MIAT: variants seen among roughly 807,000 people sequenced by gnomAD.
MIAT encodes myocardial infarction associated transcript.
chr22:26,658,671 A>T (rs566378391), intron 2 of MIAT, among the ~76,000 whole-genome samples: 16 of 152,110 alleles, frequency 1.1e-4, no homozygotes, highest in African/African-American at 3.9e-4. Context: ...TGGATTCCCC[A>T]CCCTCATCCC....
chr22:26,662,625 C>T (rs569542955), intron 2 of MIAT, among the ~76,000 whole-genome samples: 6 of 152,310 alleles, frequency 3.9e-5, no homozygotes, highest in East Asian at 1.9e-4. Context: ...ATGTCTCCTG[C>T]GAGGCGCGTG....
intron 2 of MIAT, among the ~76,000 whole-genome samples, chr22:26,653,652 T>C (rs1744233301): frequency 1.3e-5 from 2 of 152,192 alleles, no homozygotes; most frequent in Admixed American, 6.5e-5. Context: ...TATAAAAGCA[T>C]TGTGACCTGA....
At chr22:26,668,352 T>C (rs1930925818) in exon 6 of MIAT, 1 of 398,734 alleles carries the variant, frequency 2.5e-6, no homozygotes, top group Non-Finnish European at 4.4e-6. Context: ...GAACTCTTCC[T>C]GGTTGATGCT....
At chr22:26,672,798 C>G (rs1047072612), downstream of MIAT, 9 of 398,530 alleles carry the variant, frequency 2.3e-5, no homozygotes, top group Non-Finnish European at 3.5e-5. Context: ...GTCTTTCCTA[C>G]GCTAAAAACC....
At chr22:26,657,740 G>A (rs1930514668) in intron 2 of MIAT, 3 of 398,394 alleles carry the variant, frequency 7.5e-6, no homozygotes, top group Middle Eastern at 6.2e-4. Flanking sequence ...CAAGGCTGGG[G>A]TCGAGGGTAG....
chr22:26,662,037 G>A (rs1930696421), intron 2 of MIAT, among the ~76,000 whole-genome samples: 1 of 149,536 alleles, frequency 6.7e-6, no homozygotes, highest in Non-Finnish European at 1.5e-5. Context: ...GTTCACTGCA[G>A]CCTCTACCTC....
downstream of MIAT, chr22:26,670,316 TG>T (rs1930997747): frequency 1.0e-5 from 4 of 398,416 alleles, no homozygotes; most frequent in Admixed American, 8.8e-5. Flanking sequence ...GAAGAGTGGC[TG>T]GGGTTTGAAC....
At chr22:26,670,954 T>C (rs1391105921), downstream of MIAT, 2 of 397,352 alleles carry the variant, frequency 5.0e-6, no homozygotes, top group African/African-American at 4.2e-5. Context: ...CCAGGCCAGC[T>C]TGATGCGTTT....
In MIAT at chr22:26,668,613, G is replaced by A. The variant is rs34403716; in HGVS notation, n.2718G>A. On this transcript the variant is annotated non_coding_transcript_exon_variant, in exon 6 of 6. Coordinates refer to ENST00000643270, the Ensembl canonical transcript of MIAT. ...AGGCTGGGTCTCAAAGGACCCTACA[G>A]GATGGGGACAGGAACAAGGATGGGA... is the stretch of plus-strand genomic sequence containing the variant. 46,572 of 398,884 alleles carry A rather than the reference G, an allele frequency of 0.12. 2,945 individuals carry two copies. The highest frequency in any genetic ancestry group is 0.13 in the Non-Finnish European group (30,152 of 226,264). 24.7% of individuals were successfully genotyped at this position (398,884 alleles called of 1,614,324 possible).
chr22:26,649,202 A>T (rs1930292990), intron 2 of MIAT, among the ~76,000 whole-genome samples: 1 of 152,204 alleles, frequency 6.6e-6, no homozygotes, highest in Non-Finnish European at 1.5e-5. Flanking sequence ...TTTACAGAAG[A>T]GGAAACTGAA....
At chr22:26,657,363 G>C in intron 2 of MIAT, 1 of 397,362 alleles carries the variant, frequency 2.5e-6, no homozygotes, top group East Asian at 3.6e-5. Flanking sequence ...GGGTAAGGAG[G>C]GGTTGGGTGT....
In MIAT at chr22:26,667,704, G is replaced by A. The variant is rs147967093; in HGVS notation, n.2262+394G>A. The stretch of plus-strand genomic sequence containing the variant: ...TTTTTTTCCTTTTTCTCAGAGACAG[G>A]GTCTCACTCTGTTGCCCAGGCTAGA... On this transcript the variant is annotated intron_variant and non_coding_transcript_variant, in intron 5 of 5. Coordinates refer to ENST00000643270, the Ensembl canonical transcript of MIAT. 423 of 172,988 alleles carry A rather than the reference G, an allele frequency of 2.4e-3. 1 individual carries two copies. Among genetic ancestry groups the A allele is most frequent in the African/African-American group, 9.3e-3 (392 of 42,358 alleles). The allele number at this position is 172,988 out of a possible 1,614,324, so 10.7% of individuals were successfully genotyped here. A position where few individuals can be genotyped will look rare whatever the true frequency, so the allele number is the denominator to read the frequency against.
chr22:26,674,017 G>A (rs1158715281), downstream of MIAT: 1 of 398,658 alleles, frequency 2.5e-6, no homozygotes, highest in Non-Finnish European at 4.4e-6. Context: ...CCTGTCTGGT[G>A]TCTACAGAGC....
intron 2 of MIAT, among the ~76,000 whole-genome samples, chr22:26,652,104 T>G (rs1299817744): frequency 3.3e-5 from 5 of 152,122 alleles, no homozygotes; most frequent in Non-Finnish European, 7.4e-5. Flanking sequence ...AGTGATCCTC[T>G]TTGCTCAGCC....
chr22:26,661,011 C>A (rs1930643456), intron 2 of MIAT, among the ~76,000 whole-genome samples: 1 of 152,220 alleles, frequency 6.6e-6, no homozygotes, highest in African/African-American at 2.4e-5. Flanking sequence ...ATCGTGCACC[C>A]ACTGGGTGTC....
downstream of MIAT, chr22:26,674,493 C>T (rs1386793217): frequency 7.5e-6 from 3 of 398,662 alleles, no homozygotes; most frequent in Non-Finnish European, 1.3e-5. Flanking sequence ...GCTTACAGAC[C>T]TTAGAGGCAG....
At chr22:26,674,217 C>T (rs1931176093), downstream of MIAT, 2 of 398,616 alleles carry the variant, frequency 5.0e-6, no homozygotes, top group Non-Finnish European at 8.8e-6. Context: ...ACTTTTAGCT[C>T]TTCTAGCATA....
exon 5 of MIAT, chr22:26,676,461 A>G (rs1931267127): frequency 2.5e-6 from 1 of 398,384 alleles, no homozygotes; most frequent in Non-Finnish European, 4.4e-6. Context: ...GCTATTAAAA[A>G]TCAATTCACG....
chr22:26,655,696 C>T (rs1402387460), intron 2 of MIAT, among the ~76,000 whole-genome samples: 4 of 152,162 alleles, frequency 2.6e-5, no homozygotes, highest in East Asian at 3.8e-4. Context: ...TTCTGAAGGT[C>T]GCTGGAATGT....
Sources: gnomAD v4.1 joint callset for allele counts (sites outside exome capture counted in the v4.1 genomes callset) on GRCh38, gnomAD v4.1.1 for gene constraint, MANE v1.5 for transcripts, NCBI Gene and HGNC (gene_info 2026-07-23, HGNC 2026-07-21) for gene names.